Variants in MTNAP1 observed in about 807,000 individuals in gnomAD.
The protein encoded by MTNAP1 is mitochondrial nucleoid associated protein 1.
chr17:73,235,656 A>G, the MTNAP1 span: 1 of 1,614,222 alleles, frequency 6.2e-7, no homozygotes, highest in Non-Finnish European at 8.5e-7. Flanking sequence ...TGAAAGGACC[A>G]ATCAAAGATT....
At chr17:73,243,095 T>TTTGTTTTTTTTTTG in the MTNAP1 span, 54 of 937,072 alleles carry the variant, frequency 5.8e-5, no homozygotes, top group African/African-American at 6.8e-4. Flanking sequence ...TTTTTTTTTT[T>TTTGTTTTTTTTTTG]TTTTTTACAG....
At chr17:73,235,792 G>C in the MTNAP1 span, 1 of 1,614,158 alleles carries the variant, frequency 6.2e-7, no homozygotes, top group Non-Finnish European at 8.5e-7. Context: ...GGAAAGAGCA[G>C]CTACTACAAA....
the MTNAP1 span, chr17:73,242,344 A>G: frequency 6.3e-7 from 1 of 1,575,242 alleles, no homozygotes; most frequent in Admixed American, 2.0e-5. Context: ...TGGGAGCTGT[A>G]CAAAAAGGTG....
At chr17:73,241,391 G>A in the MTNAP1 span, among the ~76,000 whole-genome samples, 66 of 151,860 alleles carry the variant, frequency 4.3e-4, no homozygotes, top group Middle Eastern at 6.8e-3. Context: ...ATCTCCTGAC[G>A]TCGTGATCCA....
chr17:73,235,864 C>T, the MTNAP1 span: 1 of 1,614,112 alleles, frequency 6.2e-7, no homozygotes. Context: ...AAATACTAAA[C>T]CAATGACTAC....
the MTNAP1 span, chr17:73,235,977 T>C: frequency 1.2e-6 from 2 of 1,614,232 alleles, no homozygotes; most frequent in Non-Finnish European, 1.7e-6. Context: ...GTCGATGTAA[T>C]CCTTCAGAAG....
chr17:73,239,540 A>C, the MTNAP1 span, among the ~76,000 whole-genome samples: 1 of 122,924 alleles, frequency 8.1e-6, no homozygotes. Flanking sequence ...TTTTCTTGAG[A>C]CAGAGTCTTG....
the MTNAP1 span, chr17:73,242,196 G>A: frequency 1.3e-5 from 16 of 1,265,432 alleles, no homozygotes; most frequent in East Asian, 2.4e-4. Flanking sequence ...TTAGGGAAGG[G>A]GGTACGTTTC....
chr17:73,244,861 G>A, the MTNAP1 span, among the ~76,000 whole-genome samples: 1 of 151,904 alleles, frequency 6.6e-6, no homozygotes, highest in Non-Finnish European at 1.5e-5. Flanking sequence ...TCAGACACCT[G>A]GCCATGGGTG....
the MTNAP1 span, chr17:73,247,285 T>A: frequency 6.2e-7 from 1 of 1,614,172 alleles, no homozygotes; most frequent in Non-Finnish European, 8.5e-7. Flanking sequence ...AGTACCTCCA[T>A]GCATTGGTGT....
chr17:73,234,217 A>G, the MTNAP1 span, among the ~76,000 whole-genome samples: 1 of 152,248 alleles, frequency 6.6e-6, no homozygotes, highest in Non-Finnish European at 1.5e-5. Context: ...TATAGAAAGA[A>G]TAAGAGATGT....
chr17:73,236,570 A>C, the MTNAP1 span: 1 of 1,614,218 alleles, frequency 6.2e-7, no homozygotes, highest in Non-Finnish European at 8.5e-7. Flanking sequence ...GAGACGACTT[A>C]CCAGTTTCAT....
chr17:73,232,536 C>T, the MTNAP1 span: 15 of 467,738 alleles, frequency 3.2e-5, no homozygotes, highest in Non-Finnish European at 4.9e-5. Context: ...TCAATTATGT[C>T]ATAATAATAT....
At chr17:73,248,448 G>T in the MTNAP1 span, 1 of 1,524,490 alleles carries the variant, frequency 6.6e-7, no homozygotes, top group East Asian at 2.5e-5. Flanking sequence ...GTCGTGTTCT[G>T]CCCTGTCTGT....
At chr17:73,242,844 C>T in the MTNAP1 span, 166 of 1,450,870 alleles carry the variant, frequency 1.1e-4, no homozygotes, top group Non-Finnish European at 1.5e-4. Flanking sequence ...CTCGCGGATA[C>T]TGGCCCTAGT....
chr17:73,248,490 A>G, the MTNAP1 span: 4 of 1,551,678 alleles, frequency 2.6e-6, no homozygotes, highest in Admixed American at 5.9e-5. Context: ...GTAAGAAGCA[A>G]CGCTTAGATC....
chr17:73,234,954 G>T, the MTNAP1 span, among the ~76,000 whole-genome samples: 2 of 152,088 alleles, frequency 1.3e-5, no homozygotes, highest in Non-Finnish European at 2.9e-5. Context: ...GGTAGCTCGC[G>T]CCTGTAATCT....
At chr17:73,246,428 C>T in the MTNAP1 span, among the ~76,000 whole-genome samples, 1 of 152,086 alleles carries the variant, frequency 6.6e-6, no homozygotes, top group Non-Finnish European at 1.5e-5. Flanking sequence ...CCCAGCTACT[C>T]AGGAGGTTGA....
chr17:73,235,655 C>T, the MTNAP1 span: 6 of 1,614,076 alleles, frequency 3.7e-6, no homozygotes, highest in South Asian at 6.6e-5. Context: ...ATGAAAGGAC[C>T]AATCAAAGAT....
Sources: gnomAD v4.1 joint callset for allele counts (sites outside exome capture counted in the v4.1 genomes callset) on GRCh38, gnomAD v4.1.1 for gene constraint, MANE v1.5 for transcripts, NCBI Gene and HGNC (gene_info 2026-07-23, HGNC 2026-07-21) for gene names.